WASHC4: variants seen among roughly 807,000 people sequenced by gnomAD.
WASHC4 encodes the protein WASH complex subunit 4.
Under a neutral mutation model 166.6 loss-of-function variants are expected in WASHC4, and 86 were observed. The observed-to-expected ratio is 0.52, with a 90% CI of 0.43 to 0.62. The LOEUF is 0.62. Among genes scored for constraint, WASHC4 ranks in the 20% least tolerant of loss-of-function variants. The pLI is 0.00. For missense variants in WASHC4, 1,262 were observed against 1,382.4 expected, an observed-to-expected ratio of 0.91 and a Z score of 1.38; for synonymous variants, 446 against 451.6, an observed-to-expected ratio of 0.99 and a Z score of 0.16.
intron 31 of WASHC4, 66 bp from the exon 32 acceptor site, chr12:105,164,574 TA>T: frequency 9.1e-7 from 1 of 1,097,268 alleles, no homozygotes; most frequent in Non-Finnish European, 1.4e-6. Flanking sequence ...TAAAAATGCA[TA>T]TATTTTTGGT....
In WASHC4 at chr12:105,152,443, G is replaced by A; in HGVS notation, c.2750G>A (p.Ser917Asn). Reference sequence around the variant, plus strand: ...CTTGATCAATTCAGGCAACTCATCAGCCAGATTGGTAAGTTATGATAAAAG... The same window carrying A: ...CTTGATCAATTCAGGCAACTCATCAACCAGATTGGTAAGTTATGATAAAAG... Reference protein sequence around the residue: ...SYLDQFRQLISQIGNAMGYVR... With the variant: ...SYLDQFRQLINQIGNAMGYVR... Residue 917 changes from serine (S) to asparagine (N), a missense_variant, in exon 26 of 33, where the codon AGC (serine) becomes AAC (asparagine). Transcript: ENST00000332180. The A allele has an allele frequency of 6.5e-7, 1 of 1,549,952 alleles. No individual in the cohort carries two copies. The highest frequency in any genetic ancestry group is 1.1e-5 in the South Asian group (1 of 89,648).
intron 28 of WASHC4, among the ~76,000 whole-genome samples, chr12:105,158,934 T>C (rs565668872): frequency 2.0e-5 from 3 of 152,158 alleles, no homozygotes; most frequent in African/African-American, 4.8e-5. Context: ...TTTGATAGGC[T>C]TGAAATCTTA....
intron 14 of WASHC4, among the ~76,000 whole-genome samples, chr12:105,135,395 T>TG (rs1254179471): frequency 1.3e-5 from 2 of 151,332 alleles, no homozygotes; most frequent in South Asian, 2.1e-4. Flanking sequence ...TCTAGGTTGG[T>TG]GGGGTTTTTT....
At position 105,107,813 on chromosome 12, in the gene WASHC4, ACT is replaced by A. The variant is rs1322428687; in HGVS notation, c.16_17del (p.Leu6ValfsTer7). 1.9e-6 allele frequency: 3 copies of A among 1,550,154 alleles called. No individual in the cohort carries two copies. The highest frequency in any genetic ancestry group is 2.0e-5 in the Admixed American group (1 of 50,972). ...AGGCGCCGGGGTGATGGCGGTGGAG[ACT>A]CTGTCCCCGGACTGGGAGTTTGACC... MAVE[T>X]LSPDWEFDRV... On this transcript the variant is annotated frameshift_variant, in exon 1 of 33. Coordinates refer to ENST00000332180, the MANE Select transcript of WASHC4 (RefSeq NM_015275.3). LOFTEE classifies it high-confidence loss of function.
rs1592883601 is a variant in WASHC4, at chr12:105,138,087, G to C, written c.1452+76G>C. 2.8e-6 allele frequency: 4 copies of C among 1,430,680 alleles called. No homozygotes were observed. In the African/African-American group the frequency reaches 5.7e-5, roughly 20 times the overall value. The allele number at this position is 1,430,680 out of a possible 1,614,324, so 88.6% of individuals were successfully genotyped here. A position where few individuals can be genotyped will look rare whatever the true frequency, so the allele number is the denominator to read the frequency against. On this transcript the variant is annotated intron_variant, in intron 15 of 32. Transcript: ENST00000332180. ...GCTTAAATTAGGATAATCTTGTAAG[G>C]TTTGACTACATGATTATATGAGAAC...
intron 2 of WASHC4, among the ~76,000 whole-genome samples, chr12:105,113,917 A>G (rs73395746): frequency 0.016 from 2,432 of 152,154 alleles, 42 homozygotes; most frequent in African/African-American, 0.042. Flanking sequence ...ATCATAACTA[A>G]TGGAGTTTAA....
intron 24 of WASHC4, chr12:105,147,451 A>T: frequency 2.8e-6 from 1 of 351,304 alleles, no homozygotes; most frequent in Non-Finnish European, 5.0e-6. Flanking sequence ...ATATATGTTT[A>T]TCTGTGTTGA....
intron 26 of WASHC4, among the ~76,000 whole-genome samples, chr12:105,156,307 A>G (rs1884158972): frequency 6.6e-6 from 1 of 152,196 alleles, no homozygotes; most frequent in African/African-American, 2.4e-5. Context: ...GTTCAGAGGA[A>G]GAGTCCAGGC....
At chr12:105,147,500 T>C (rs2135809371) in intron 24 of WASHC4, 1 of 592,090 alleles carries the variant, frequency 1.7e-6, no homozygotes, top group South Asian at 4.6e-5. Context: ...AAGTCAACAA[T>C]AGATAGTAAT....
At chr12:105,139,794 G>A (rs1225620472) in intron 15 of WASHC4, among the ~76,000 whole-genome samples, 7 of 151,454 alleles carry the variant, frequency 4.6e-5, no homozygotes, top group East Asian at 1.9e-4. Context: ...GTGATACATC[G>A]GCTTGCCTTT....
chr12:105,117,163 G>C (rs776879355), intron 6 of WASHC4, among the ~76,000 whole-genome samples: 5 of 152,120 alleles, frequency 3.3e-5, no homozygotes, highest in Non-Finnish European at 5.9e-5. Flanking sequence ...TTATGTATAT[G>C]TATTTTACAT....
At chr12:105,120,080 A>T (rs1880584501) in intron 7 of WASHC4, among the ~76,000 whole-genome samples, 1 of 152,230 alleles carries the variant, frequency 6.6e-6, no homozygotes, top group South Asian at 2.1e-4. Context: ...AAAAAGGAAA[A>T]ACAAAACAAA....
chr12:105,157,223 A>G lies in WASHC4; in HGVS notation c.2826-13A>G. ...ACTTGACCTAATAAATGCCTTCCCA[A>G]ATTCTTATGTAGATTTGTTCCTGAT... On this transcript the variant is annotated splice_polypyrimidine_tract_variant and intron_variant, in intron 27 of 32. Coordinates refer to ENST00000332180, the MANE Select transcript of WASHC4 (RefSeq NM_015275.3). 1 of 1,371,570 alleles carries G rather than the reference A, an allele frequency of 7.3e-7. No homozygotes were observed. Among genetic ancestry groups the G allele is most frequent in the Non-Finnish European group, 1.0e-6 (1 of 962,616 alleles). 85.0% of individuals were successfully genotyped at this position (1,371,570 alleles called of 1,614,324 possible).
chr12:105,142,502 T>C lies in WASHC4; in HGVS notation c.1837T>C (p.Phe613Leu). ...CCFLYWHRAVFPIYLDDVYEN... is the reference protein window; with the variant it reads ...CCFLYWHRAVLPIYLDDVYEN... ...TTTTTTATACTGGCATCGAGCTGTC[T>C]TCCCAATTTATTTAGATGATGTATA... Residue 613 changes from phenylalanine to leucine, a missense_variant, in exon 19 of 33, where the codon TTC becomes CTC. Transcript: ENST00000332180. 1 of 1,610,922 alleles carries C rather than the reference T, an allele frequency of 6.2e-7. No homozygotes were observed. The highest frequency in any genetic ancestry group is 2.2e-5 in the East Asian group (1 of 44,748).
chr12:105,122,792 T>C (rs932744113), intron 10 of WASHC4, among the ~76,000 whole-genome samples: 27 of 152,216 alleles, frequency 1.8e-4, no homozygotes, highest in African/African-American at 6.3e-4. Context: ...TGTAAGATGA[T>C]GAACTTAATC....
chr12:105,125,449 C>G (rs1207524781), intron 10 of WASHC4, among the ~76,000 whole-genome samples: 2 of 152,102 alleles, frequency 1.3e-5, no homozygotes, highest in East Asian at 3.8e-4. Context: ...TGTGCTATTA[C>G]TAGTTAAGTT....
At position 105,152,393 on chromosome 12, in the gene WASHC4, A is replaced by C. The variant is rs202242349; in HGVS notation, c.2700A>C (p.Gly900=). 4,011 of 1,607,930 alleles carry C rather than the reference A, an allele frequency of 2.5e-3. 8 individuals are homozygous for C. The highest frequency in any genetic ancestry group is 3.1e-3 in the Non-Finnish European group (3,654 of 1,174,446). ...TCAATCGAGGCATCAGAAAACTTGG[A>C]GTAACACCTGAGGGACAGAGCTACC... is the stretch of plus-strand genomic sequence containing the variant. ...EKFNRGIRKL[G]VTPEGQSYLD... Residue 900 remains glycine, a synonymous_variant, in exon 26 of 33, where the codon GGA becomes GGC. Transcript: ENST00000332180.
chr12:105,138,502 G>C (rs1177154783), intron 15 of WASHC4, among the ~76,000 whole-genome samples: 1 of 152,180 alleles, frequency 6.6e-6, no homozygotes, highest in East Asian at 1.9e-4. Flanking sequence ...TACTTACAGA[G>C]GTGGTCAAAT....
chr12:105,163,238 A>G (rs1038436835), intron 30 of WASHC4, among the ~76,000 whole-genome samples: 7 of 152,158 alleles, frequency 4.6e-5, no homozygotes, highest in African/African-American at 7.2e-5. Context: ...GATTACAGGC[A>G]TGAGCCACCA....
Sources: gnomAD v4.1 joint callset for allele counts (sites outside exome capture counted in the v4.1 genomes callset) on GRCh38, gnomAD v4.1.1 for gene constraint, MANE v1.5 for transcripts, NCBI Gene and HGNC (gene_info 2026-07-23, HGNC 2026-07-21) for gene names.